The following NTN1 variants were observed in gnomAD, a reference collection of about 807,000 sequenced individuals.
NTN1 encodes the protein netrin 1.
NTN1 carries 11 observed loss-of-function variants against 54.2 expected under a neutral mutation model. The ratio of observed to expected loss-of-function variants is 0.20; its 90% CI spans 0.13 to 0.34. The LOEUF (loss-of-function observed/expected upper bound fraction) is 0.34. Among genes scored for constraint, NTN1 ranks in the 10% least tolerant of loss-of-function variants. The pLI is 1.00. For synonymous variants in NTN1, 371 were observed against 382.0 expected, an observed-to-expected ratio of 0.97 and a Z score of 0.33; for missense variants, 740 against 893.1, an observed-to-expected ratio of 0.83 and a Z score of 2.18.
At chr17:9,024,342 C>T (rs1196949056) in intron 2 of NTN1, among the ~76,000 whole-genome samples, 1 of 152,176 alleles carries the variant, frequency 6.6e-6, no homozygotes, top group Admixed American at 6.5e-5. Context: ...AAGACTACAC[C>T]TTACTTTTTC....
At chr17:9,090,627 C>T (rs912157967) in intron 2 of NTN1, among the ~76,000 whole-genome samples, 5 of 152,224 alleles carry the variant, frequency 3.3e-5, no homozygotes, top group East Asian at 1.9e-4. Context: ...GGCAGCCACT[C>T]AGGAGACCTT....
At chr17:9,117,386 AAGC>A (rs2092216984) in intron 2 of NTN1, among the ~76,000 whole-genome samples, 1 of 152,188 alleles carries the variant, frequency 6.6e-6, no homozygotes, top group Non-Finnish European at 1.5e-5. Context: ...CGCTCCTCAG[AAGC>A]ATGAGGACAG....
At chr17:9,085,376 A>C (rs1232449612) in intron 2 of NTN1, among the ~76,000 whole-genome samples, 1 of 152,130 alleles carries the variant, frequency 6.6e-6, no homozygotes, top group Non-Finnish European at 1.5e-5. Context: ...AATTTCCTTT[A>C]AGGAAGTGAA....
In NTN1 at chr17:9,023,123, C is replaced by T. The variant is rs1360575850; in HGVS notation, c.750C>T (p.Ala250=). 3 of 1,564,864 alleles carry T rather than the reference C, an allele frequency of 1.9e-6. No individual in the cohort carries two copies. The highest frequency in any genetic ancestry group is 1.7e-6 in the Non-Finnish European group (2 of 1,154,780). The change falls in exon 2 of 7, where the codon GCC becomes GCT. Residue 250 remains alanine, a synonymous_variant. Transcript: ENST00000173229. The part of the protein sequence containing the change: ...DWVTATDIRV[A]FSRLHTFGDE... The stretch of plus-strand genomic sequence containing the variant: ...TCACGGCCACAGACATCCGCGTGGC[C>T]TTCAGCCGCCTGCACACGTTCGGCG...
intron 2 of NTN1, among the ~76,000 whole-genome samples, chr17:9,072,187 C>T (rs906698339): frequency 6.6e-6 from 1 of 151,942 alleles, no homozygotes; most frequent in Admixed American, 6.6e-5. Context: ...GTCCTTAGCC[C>T]CAGCTTTCCA....
chr17:9,054,159 G>C (rs1438416819), intron 2 of NTN1, among the ~76,000 whole-genome samples: 1 of 152,206 alleles, frequency 6.6e-6, no homozygotes, highest in Non-Finnish European at 1.5e-5. Context: ...CTCTCTCCCA[G>C]AGAAAGAACC....
intron 6 of NTN1, among the ~76,000 whole-genome samples, chr17:9,223,510 T>A (rs985780307): frequency 1.3e-5 from 2 of 151,794 alleles, no homozygotes; most frequent in African/African-American, 4.9e-5. Flanking sequence ...TGAGATCACA[T>A]GACTGCACTC....
intron 2 of NTN1, among the ~76,000 whole-genome samples, chr17:9,125,227 A>G (rs1484110143): frequency 7.3e-6 from 1 of 137,194 alleles, no homozygotes; most frequent in Non-Finnish European, 1.5e-5. Flanking sequence ...ATGTTTGGCT[A>G]ATTTTTTTTT....
intron 5 of NTN1, among the ~76,000 whole-genome samples, chr17:9,199,463 C>G (rs1324666239): frequency 6.6e-6 from 1 of 152,258 alleles, no homozygotes; most frequent in Non-Finnish European, 1.5e-5. Context: ...TACTTTATAC[C>G]ACAGTCCATC....
intron 2 of NTN1, among the ~76,000 whole-genome samples, chr17:9,047,795 A>T (rs890720680): frequency 6.6e-6 from 1 of 152,000 alleles, no homozygotes; most frequent in Non-Finnish European, 1.5e-5. Flanking sequence ...CCTGGGTTCA[A>T]GGGATTCTCC....
At chr17:9,123,749 G>A (rs757864637) in intron 2 of NTN1, among the ~76,000 whole-genome samples, 2 of 151,790 alleles carry the variant, frequency 1.3e-5, no homozygotes, top group African/African-American at 4.8e-5. Context: ...CCATTTTGGG[G>A]GTTCTCATTG....
Position 9,218,936 on chromosome 17 carries a change from G to A in NTN1, c.1412-2232G>A, listed in dbSNP as rs182486774. On this transcript the variant is annotated intron_variant, in intron 5 of 6. Coordinates refer to ENST00000173229, the MANE Select transcript of NTN1 (RefSeq NM_004822.3). ...TTGTGAAAAAAAAAAAAAAAATTGCGAGGAGAGTGGATTGAAGGCCACCCC... is the reference window on the plus strand; with the variant it reads ...TTGTGAAAAAAAAAAAAAAAATTGCAAGGAGAGTGGATTGAAGGCCACCCC... Among the ~76,000 whole-genome samples the A allele has an allele frequency of 1.6e-3, 237 of 150,370 alleles. 1 individual carries two copies. The highest frequency in any genetic ancestry group is 3.5e-3 in the Middle Eastern group (1 of 284).
At position 9,243,449 on chromosome 17, in the gene NTN1, A is replaced by T. The variant is rs1432015625; in HGVS notation, c.*3481A>T. Reference sequence around the variant, plus strand: ...GGACTGGGGAATGGTTCCTGCCTTCAGGAAAGTGAAAGACGCTTAGGCTGT... The same window carrying T: ...GGACTGGGGAATGGTTCCTGCCTTCTGGAAAGTGAAAGACGCTTAGGCTGT... On this transcript the variant is annotated 3_prime_UTR_variant, in exon 7 of 7. Transcript: ENST00000173229. 6.7e-6 allele frequency: 1 copy of T among 149,670 alleles called. No individual in the cohort carries two copies. The highest frequency in any genetic ancestry group is 6.7e-5 in the Admixed American group (1 of 14,980). 9.3% of individuals were successfully genotyped at this position (149,670 alleles called of 1,614,324 possible).
intron 2 of NTN1, among the ~76,000 whole-genome samples, chr17:9,090,276 A>G (rs1157700629): frequency 6.6e-6 from 1 of 151,672 alleles, no homozygotes; most frequent in African/African-American, 2.4e-5. Flanking sequence ...CCTGGATTCA[A>G]GCGATTGTCT....
At chr17:9,213,369 C>A (rs1211667572) in intron 5 of NTN1, among the ~76,000 whole-genome samples, 1 of 152,220 alleles carries the variant, frequency 6.6e-6, no homozygotes, top group Admixed American at 6.5e-5. Flanking sequence ...TTTACCTGTG[C>A]CCTCAATCCT....
At chr17:9,202,056 A>ACACACACACACACACACACAC (rs553874657) in intron 5 of NTN1, among the ~76,000 whole-genome samples, 6 of 14,282 alleles carry the variant, frequency 4.2e-4, no homozygotes, top group Non-Finnish European at 4.2e-4. Flanking sequence ...ACACACACAC[A>ACACACACACACACACACACAC]AAAAAAAAAA....
chr17:9,204,941 T>TTC (rs10693850), intron 5 of NTN1, among the ~76,000 whole-genome samples: 1 of 151,866 alleles, frequency 6.6e-6, no homozygotes, highest in African/African-American at 2.4e-5. Flanking sequence ...TTTTTTTTTT[T>TTC]CTGAAGATAT....
chr17:9,173,249 G>T (rs1311439409), intron 3 of NTN1: 1 of 152,466 alleles, frequency 6.6e-6, no homozygotes, highest in African/African-American at 2.4e-5. Flanking sequence ...TGGTTTTCCT[G>T]TGTTTCTTCT....
rs1404779406 is a variant in NTN1 at position 9,221,672 on chromosome 17, G to A, written c.1486+430G>A. ...GGGAGCTCCCCGGTGCATTTCCAGT[G>A]TTCCGCCAGGCTGTAGCGGGGCCGG... On this transcript the variant is annotated intron_variant, in intron 6 of 6. Transcript: ENST00000173229. This position sits in a 1 kb window ranked among gnomAD's most constrained non-coding sequence, Gnocchi z 4.5. 1.3e-5 allele frequency among the ~76,000 whole-genome samples: 2 copies of A among 152,242 alleles called. No individual in the cohort carries two copies. The highest frequency in any genetic ancestry group is 3.8e-4 in the East Asian group (2 of 5,198).
Sources: gnomAD v4.1 joint callset for allele counts (sites outside exome capture counted in the v4.1 genomes callset) on GRCh38, gnomAD v4.1.1 for gene constraint, Gnocchi (gnomAD v3.1) non-coding constraint, MANE v1.5 for transcripts, NCBI Gene and HGNC (gene_info 2026-07-23, HGNC 2026-07-21) for gene names.